PEAR1: variants seen among roughly 807,000 people sequenced by gnomAD.
The protein encoded by PEAR1 is platelet endothelial aggregation receptor 1, also known as multiple EGF-like domains protein 12.
Under a neutral mutation model 131.2 loss-of-function variants are expected in PEAR1, and 113 were observed. The observed-to-expected ratio is 0.86, with a 90% CI of 0.74 to 1.01. The LOEUF (loss-of-function observed/expected upper bound fraction) is 1.01. PEAR1 is among the 50% of genes least tolerant of loss of function. PEAR1 has a pLI of 0.00. For missense variants in PEAR1, 1,408 were observed against 1,391.1 expected, an observed-to-expected ratio of 1.01 and a Z score of -0.19; for synonymous variants, 565 against 523.3, an observed-to-expected ratio of 1.08 and a Z score of -1.09.
At chr1:156,905,502 C>T in intron 4 of PEAR1, 78 bp downstream of exon 4, 1 of 1,284,284 alleles carries the variant, frequency 7.8e-7, no homozygotes, top group African/African-American at 1.5e-5. Flanking sequence ...TGAGTCCCTC[C>T]CGGCCCCCGC....
Position 156,906,861 on chromosome 1 carries a change from G to A in PEAR1, c.625G>A (p.Ala209Thr), listed in dbSNP as rs372909968. Residue 209 changes from alanine (A) to threonine (T), a missense_variant, in exon 6 of 23, where the codon GCA (alanine) becomes ACA (threonine). Physicochemically the swap from Ala to Thr is moderately conservative, Grantham distance 58. Coordinates refer to ENST00000292357, the MANE Select transcript of PEAR1 (RefSeq NM_001080471.3). The stretch of plus-strand genomic sequence containing the variant: ...CCAGACTGGAGCCTGCTTCTGCCCC[G>A]CAGAGAGAACTGGGCCCAGGTATGT... The part of the protein sequence containing the change: ...DPQTGACFCP[A>T]ERTGPSCDVS... The A allele has an allele frequency of 4.0e-5, 65 of 1,613,874 alleles. No individual in the cohort carries two copies. In the Middle Eastern group the frequency reaches 8.2e-4, roughly 20 times the overall value.
intron 1 of PEAR1, among the ~76,000 whole-genome samples, chr1:156,895,690 G>C (rs1649094118): frequency 6.6e-6 from 1 of 152,232 alleles, no homozygotes; most frequent in Non-Finnish European, 1.5e-5. Flanking sequence ...TAGAAAAATA[G>C]AGCAGAGACC....
chr1:156,905,171 G>A (rs909416998), intron 3 of PEAR1, among the ~76,000 whole-genome samples, 153 bp from the exon 4 acceptor site: 5 of 152,034 alleles, frequency 3.3e-5, no homozygotes, highest in Admixed American at 6.5e-5. Flanking sequence ...TGGCGAGATC[G>A]TAGTGCACTG....
rs772343878 is a variant in PEAR1 at position 156,908,776 on chromosome 1, G to C, written c.1237G>C (p.Gly413Arg). Residue 413 changes from glycine (G) to arginine (R), a missense_variant, in exon 10 of 23, where the codon GGT becomes CGT. Transcript: ENST00000292357. The surrounding 1 kb of genome is among the most constrained non-coding windows in gnomAD (Gnocchi z 4.2). ...GCQEHCLCLHGGVCQATSGLC... is the reference protein window; with the variant it reads ...GCQEHCLCLHRGVCQATSGLC... ...CCAGGAGCACTGTCTCTGCCTGCAC[G>C]GTGGCGTCTGCCAGGCTACCAGCGG... 3.1e-6 allele frequency: 5 copies of C among 1,601,358 alleles called. No individual in the cohort carries two copies. The highest frequency in any genetic ancestry group is 4.2e-6 in the Non-Finnish European group (5 of 1,176,618).
At position 156,908,283 on chromosome 1, in the gene PEAR1, G is replaced by C; in HGVS notation, c.1058G>C (p.Gly353Ala). The change falls in exon 9 of 23, where the codon GGC becomes GCC. Residue 353 changes from glycine (G) to alanine (A), a missense_variant. Transcript: ENST00000292357. The surrounding 1 kb of genome is among the most constrained non-coding windows in gnomAD (Gnocchi z 4.2). Reference sequence around the variant, plus strand: ...TGCACGGATCGCCTCTGCCCCGACGGCTTCTACGGTCTCAGCTGCCAGGCC... The same window carrying C: ...TGCACGGATCGCCTCTGCCCCGACGCCTTCTACGGTCTCAGCTGCCAGGCC... ...DRCTDRLCPD[G>A]FYGLSCQAPC... 6.3e-7 allele frequency: 1 copy of C among 1,582,006 alleles called. No homozygotes were observed. Among genetic ancestry groups the C allele is most frequent in the Non-Finnish European group, 8.6e-7 (1 of 1,168,774 alleles).
intron 18 of PEAR1, 98 bp downstream of exon 18, chr1:156,913,080 A>T (rs1651429866): frequency 1.3e-6 from 2 of 1,560,834 alleles, no homozygotes; most frequent in Non-Finnish European, 1.8e-6. Context: ...AGGAGTGGGG[A>T]GGAGGGAGGA....
Position 156,913,412 on chromosome 1 carries a change from A to G in PEAR1, c.2533A>G (p.Ser845Gly). 1 of 1,613,946 alleles carries G rather than the reference A, an allele frequency of 6.2e-7. No individual in the cohort carries two copies. The highest frequency in any genetic ancestry group is 8.5e-7 in the Non-Finnish European group (1 of 1,180,002). ...TTAGGTTCCAGGCCCGCTCTTTGCC[A>G]GCCTGCAGAACCCTGAGCGGCCAGG... ...PNKVPGPLFASLQNPERPGGA... is the reference protein window; with the variant it reads ...PNKVPGPLFAGLQNPERPGGA... Residue 845 changes from serine (S) to glycine (G), a missense_variant, in exon 20 of 23, where the codon AGC (serine) becomes GGC (glycine). Physicochemically the swap from Ser to Gly is moderately conservative, Grantham distance 56. Coordinates refer to ENST00000292357, the MANE Select transcript of PEAR1 (RefSeq NM_001080471.3).
chr1:156,912,203 A>G, intron 15 of PEAR1, 44 bp from the exon 16 acceptor site: 1 of 1,567,480 alleles, frequency 6.4e-7, no homozygotes, highest in Non-Finnish European at 8.6e-7. Context: ...TCATCCAGGA[A>G]AAGCTGTACC....
At chr1:156,911,282 TTTC>T (rs1162660428) in intron 15 of PEAR1, among the ~76,000 whole-genome samples, 5 of 132,812 alleles carry the variant, frequency 3.8e-5, no homozygotes, top group Middle Eastern at 3.6e-3. Flanking sequence ...TCTCTCTTTC[TTTC>T]TTTTTTTTTT....
At position 156,915,823 on chromosome 1, in the gene PEAR1, C is replaced by T. The variant is rs956881575; in HGVS notation, c.*1025C>T. The T allele has an allele frequency of 3.9e-5, 6 of 152,292 alleles. No homozygotes were observed. The highest frequency in any genetic ancestry group is 1.4e-4 in the African/African-American group (6 of 41,472). The allele number at this position is 152,292 out of a possible 1,614,324, so 9.4% of individuals were successfully genotyped here. On this transcript the variant is annotated 3_prime_UTR_variant, in exon 23 of 23. Coordinates refer to ENST00000292357, the MANE Select transcript of PEAR1 (RefSeq NM_001080471.3). The stretch of plus-strand genomic sequence containing the variant: ...TCTCCCTTGGCACAGAGTAGGCACT[C>T]AACAAATGCTCCCCAAAAGGCTGAG...
chr1:156,895,167 T>C (rs1022078965), intron 1 of PEAR1, among the ~76,000 whole-genome samples: 2 of 152,210 alleles, frequency 1.3e-5, no homozygotes, highest in African/African-American at 4.8e-5. Context: ...CACTGGAGGA[T>C]GAAGCTGAGA....
chr1:156,895,106 A>G (rs1448891322), intron 1 of PEAR1, among the ~76,000 whole-genome samples: 5 of 152,124 alleles, frequency 3.3e-5, no homozygotes, highest in Non-Finnish European at 7.4e-5. Flanking sequence ...TGGGGCTGCC[A>G]TCTCTAGGAG....
chr1:156,906,591 T>C (rs1433892149), intron 5 of PEAR1, 46 bp from the exon 6 acceptor site: 1 of 1,608,376 alleles, frequency 6.2e-7, no homozygotes, highest in East Asian at 2.2e-5. Context: ...AGGCTGGGGA[T>C]GGACTAGACC....
chr1:156,903,828 CTG>C, intron 1 of PEAR1, 88 bp from the exon 2 acceptor site: 1 of 1,078,318 alleles, frequency 9.3e-7, no homozygotes, highest in Non-Finnish European at 1.4e-6. Context: ...CTGGTCTCTT[CTG>C]CATGCCCACG....
chr1:156,894,667 C>T (rs1401750490), intron 1 of PEAR1, among the ~76,000 whole-genome samples: 1 of 152,208 alleles, frequency 6.6e-6, no homozygotes, highest in East Asian at 1.9e-4. Flanking sequence ...AGCAAGGCAA[C>T]CCTTCACCCC....
chr1:156,908,540 T>C lies in PEAR1; in HGVS notation c.1116-115T>C. On this transcript the variant is annotated intron_variant, in intron 9 of 22. Coordinates refer to ENST00000292357, the MANE Select transcript of PEAR1 (RefSeq NM_001080471.3). The surrounding 1 kb of genome is among the most constrained non-coding windows in gnomAD (Gnocchi z 4.2). ...TTTTCAGAATAGCGCGGAGCCTCCCTAGTGACCCCCTTACCCCAGCGATGT... is the reference window on the plus strand; with the variant it reads ...TTTTCAGAATAGCGCGGAGCCTCCCCAGTGACCCCCTTACCCCAGCGATGT... 1 of 1,230,844 alleles carries C rather than the reference T, an allele frequency of 8.1e-7. No individual in the cohort carries two copies. Among genetic ancestry groups the C allele is most frequent in the Non-Finnish European group, 1.1e-6 (1 of 911,442 alleles). The allele number at this position is 1,230,844 out of a possible 1,614,324, so 76.2% of individuals were successfully genotyped here.
chr1:156,894,850 G>A (rs1649007460), intron 1 of PEAR1, among the ~76,000 whole-genome samples: 1 of 152,234 alleles, frequency 6.6e-6, no homozygotes, highest in African/African-American at 2.4e-5. Context: ...ATTGGGCCGG[G>A]TGTCAGCTCT....
intron 1 of PEAR1, among the ~76,000 whole-genome samples, chr1:156,896,502 T>C (rs866102414): frequency 6.4e-4 from 97 of 152,304 alleles, no homozygotes; most frequent in African/African-American, 2.3e-3. Context: ...CGGCGAGGGT[T>C]GGGACTGGCA....
Position 156,908,577 on chromosome 1 carries a change from T to C in PEAR1, c.1116-78T>C. On this transcript the variant is annotated intron_variant, in intron 9 of 22. Coordinates refer to ENST00000292357, the MANE Select transcript of PEAR1 (RefSeq NM_001080471.3). The surrounding 1 kb of genome is among the most constrained non-coding windows in gnomAD (Gnocchi z 4.2). ...TACCCCAGCGATGTGCGAATCCCAC[T>C]GACCACGCGGAGGGGTCGGGAAGCT... 7.3e-7 allele frequency: 1 copy of C among 1,375,158 alleles called. No homozygotes were observed. Among genetic ancestry groups the C allele is most frequent in the Non-Finnish European group, 9.6e-7 (1 of 1,036,778 alleles). 85.2% of individuals were successfully genotyped at this position (1,375,158 alleles called of 1,614,324 possible).
Sources: gnomAD v4.1 joint callset for allele counts (sites outside exome capture counted in the v4.1 genomes callset) on GRCh38, gnomAD v4.1.1 for gene constraint, Gnocchi (gnomAD v3.1) non-coding constraint, MANE v1.5 for transcripts, NCBI Gene and HGNC (gene_info 2026-07-23, HGNC 2026-07-21) for gene names.